SLC7A5: variants seen among roughly 807,000 people sequenced by gnomAD.
The protein encoded by SLC7A5 is large neutral amino acids transporter small subunit 1.
SLC7A5 carries 23 observed loss-of-function variants against 50.2 expected under a neutral mutation model. The observed-to-expected ratio is 0.46, with a 90% CI of 0.33 to 0.65. SLC7A5 has a LOEUF of 0.65. Among genes scored for constraint, SLC7A5 ranks in the 30% least tolerant of loss-of-function variants. The pLI, the probability that SLC7A5 is intolerant of heterozygous loss-of-function variation, is 0.02. For missense variants in SLC7A5, 578 were observed against 684.4 expected, an observed-to-expected ratio of 0.84 and a Z score of 1.73; for synonymous variants, 393 against 330.6, an observed-to-expected ratio of 1.19 and a Z score of -2.05.
chr16:87,850,256 C>A (rs1304306624), intron 2 of SLC7A5, among the ~76,000 whole-genome samples: 1 of 152,190 alleles, frequency 6.6e-6, no homozygotes, highest in East Asian at 1.9e-4. Context: ...ACGGTGCACA[C>A]AGGAGAGCCT....
chr16:87,863,182 C>T (rs2055420419), intron 1 of SLC7A5, among the ~76,000 whole-genome samples: 1 of 152,338 alleles, frequency 6.6e-6, no homozygotes, highest in Middle Eastern at 3.4e-3. Context: ...GGTATCTTCT[C>T]CACGATGCAG....
rs151257488 is a variant in SLC7A5 at position 87,851,781 on chromosome 16, C to T, written c.607G>A (p.Ala203Thr). 1.9e-3 allele frequency: 3,004 copies of T among 1,613,152 alleles called. 9 individuals are homozygous for T. The highest frequency in any genetic ancestry group is 2.2e-3 in the Non-Finnish European group (2,644 of 1,179,962). ...ATRVQDAFAAAKLLALALIIL... is the reference protein window; with the variant it reads ...ATRVQDAFAATKLLALALIIL... ...ATCAGGGCCAGGGCCAGGAGCTTGG[C>T]GGCGGCAAAGGCATCCTGGACCCGG... Residue 203 changes from alanine to threonine, a missense_variant, in exon 2 of 10, where the codon GCC (alanine) becomes ACC (threonine). Ala to Thr is a moderately conservative substitution (Grantham distance 58). This residue lies in a region of SLC7A5 where 465 missense variants were observed against 594.6 expected (regional missense o/e 0.78). Coordinates refer to ENST00000261622, the MANE Select transcript of SLC7A5 (RefSeq NM_003486.7).
chr16:87,834,690 G>A (rs745581172), intron 8 of SLC7A5, 99 bp from the exon 9 acceptor site: 16 of 1,259,362 alleles, frequency 1.3e-5, no homozygotes, highest in South Asian at 6.4e-5. Context: ...CCACACCCAC[G>A]GCTGCTGACT....
chr16:87,836,376 A>C (rs986568341), intron 8 of SLC7A5, 122 bp downstream of exon 8: 19 of 1,133,044 alleles, frequency 1.7e-5, no homozygotes, highest in Non-Finnish European at 2.2e-5. Flanking sequence ...ACCCAGGTGC[A>C]TGCAGGCAGG....
At chr16:87,838,668 T>C (rs1468517543) in intron 6 of SLC7A5, 46 bp downstream of exon 6, 2 of 1,408,748 alleles carry the variant, frequency 1.4e-6, no homozygotes, top group South Asian at 1.1e-5. Flanking sequence ...AACCTGGCCA[T>C]GAGGCCTGGG....
At chr16:87,849,331 A>G (rs982487015) in intron 2 of SLC7A5, among the ~76,000 whole-genome samples, 3 of 152,220 alleles carry the variant, frequency 2.0e-5, no homozygotes, top group Admixed American at 2.0e-4. Flanking sequence ...AATCTGTTGA[A>G]GCCAAACAGG....
rs895264340 is a variant in SLC7A5, at chr16:87,862,230, G to A, written c.538+6655C>T. 6.6e-6 allele frequency among the ~76,000 whole-genome samples: 1 copy of A among 152,128 alleles called. No homozygotes were observed. The highest frequency in any genetic ancestry group is 1.5e-5 in the Non-Finnish European group (1 of 68,000). ...GGATACCCCAGCGGTTGGGGGGGTG[G>A]TGCTGGACACCCAGGGGGCAGATAG... On this transcript the variant is annotated intron_variant, in intron 1 of 9. Coordinates refer to ENST00000261622, the MANE Select transcript of SLC7A5 (RefSeq NM_003486.7). This position sits in a 1 kb window ranked among gnomAD's most constrained non-coding sequence, Gnocchi z 5.3.
chr16:87,860,723 C>T lies in SLC7A5; in HGVS notation c.538+8162G>A, dbSNP rs930263552. ...GTCTCAGTAGTGACAGATGCTGGCC[C>T]ACCCCGAGGTCAGGATGACTCAGCA... On this transcript the variant is annotated intron_variant, in intron 1 of 9. Coordinates refer to ENST00000261622, the MANE Select transcript of SLC7A5 (RefSeq NM_003486.7). This position sits in a 1 kb window ranked among gnomAD's most constrained non-coding sequence, Gnocchi z 4.8. Among the ~76,000 whole-genome samples, 11 of 152,232 alleles carry T rather than the reference C, an allele frequency of 7.2e-5. No individual in the cohort carries two copies. Among genetic ancestry groups the T allele is most frequent in the African/African-American group, 2.7e-4 (11 of 41,466 alleles).
intron 7 of SLC7A5, 30 bp from the exon 8 acceptor site, chr16:87,836,677 TG>T: frequency 6.2e-7 from 1 of 1,608,230 alleles, no homozygotes. Flanking sequence ...GGCTGAGCCC[TG>T]GGGCCCACGA....
At chr16:87,858,534 G>A (rs1458229111) in intron 1 of SLC7A5, among the ~76,000 whole-genome samples, 2 of 152,196 alleles carry the variant, frequency 1.3e-5, no homozygotes, top group African/African-American at 4.8e-5. Flanking sequence ...ACTTGTGGCA[G>A]CCAATCCAAC....
rs1321456047 is a variant in SLC7A5, at chr16:87,833,352, A to T, written c.1469-327T>A. 6.6e-6 allele frequency among the ~76,000 whole-genome samples: 1 copy of T among 152,214 alleles called. No homozygotes were observed. Among genetic ancestry groups the T allele is most frequent in the Non-Finnish European group, 1.5e-5 (1 of 68,032 alleles). ...CAGCAAAGTGCAACGGGGGGATGAC[A>T]GGCCTTCCTGCAGGTCCACACCCGG... On this transcript the variant is annotated intron_variant, in intron 9 of 9. Transcript: ENST00000261622. The surrounding 1 kb of genome is among the most constrained non-coding windows in gnomAD (Gnocchi z 6.0).
intron 2 of SLC7A5, among the ~76,000 whole-genome samples, chr16:87,849,966 G>C (rs2055199436): frequency 6.6e-6 from 1 of 152,182 alleles, no homozygotes; most frequent in Admixed American, 6.5e-5. Context: ...TGCAGACTTT[G>C]TACAGATTGA....
chr16:87,837,755 A>T (rs1172534179), intron 7 of SLC7A5, 90 bp downstream of exon 7: 1 of 1,070,142 alleles, frequency 9.3e-7, no homozygotes, highest in East Asian at 2.6e-5. Flanking sequence ...TCCACACCCC[A>T]GACAGAGCTG....
intron 1 of SLC7A5, among the ~76,000 whole-genome samples, chr16:87,854,335 G>C (rs1352268113): frequency 6.6e-6 from 1 of 152,148 alleles, no homozygotes. Context: ...ACTGACTTTG[G>C]GTGATGAGTA....
chr16:87,844,896 G>A (rs554686851), intron 2 of SLC7A5, among the ~76,000 whole-genome samples: 9 of 152,378 alleles, frequency 5.9e-5, no homozygotes, highest in Admixed American at 5.2e-4. Flanking sequence ...CTGCAAATGC[G>A]GTCTCCGCAG....
rs1243654978 is a variant in SLC7A5 at position 87,834,332 on chromosome 16, G to A, written c.1468+82C>T. 9 of 1,401,530 alleles carry A rather than the reference G, an allele frequency of 6.4e-6. No individual in the cohort carries two copies. In the South Asian group the frequency reaches 9.9e-5, roughly 15 times the overall value. The allele number at this position is 1,401,530 out of a possible 1,614,324, so 86.8% of individuals were successfully genotyped here. Reference sequence around the variant, plus strand: ...ACCCAACACGCTTCGCCCCATGTGGGTGGAGACGGCCGACGCCTCTCAACT... The same window carrying A: ...ACCCAACACGCTTCGCCCCATGTGGATGGAGACGGCCGACGCCTCTCAACT... On this transcript the variant is annotated intron_variant, in intron 9 of 9. Transcript: ENST00000261622.
chr16:87,851,911 C>T, intron 1 of SLC7A5, 62 bp from the exon 2 acceptor site: 1 of 1,607,622 alleles, frequency 6.2e-7, no homozygotes, highest in African/African-American at 1.3e-5. Flanking sequence ...CAGGGGTAGG[C>T]TGGGAGGTGA....
intron 7 of SLC7A5, chr16:87,837,630 G>C (rs2055024197): frequency 1.8e-6 from 1 of 559,928 alleles, no homozygotes; most frequent in Non-Finnish European, 3.2e-6. Context: ...CCGATGGTCT[G>C]AATCGTTTGT....
chr16:87,839,110 C>T (rs2055050530), intron 5 of SLC7A5, among the ~76,000 whole-genome samples: 1 of 152,228 alleles, frequency 6.6e-6, no homozygotes, highest in African/African-American at 2.4e-5. Flanking sequence ...TTGCCTTCCC[C>T]CGTGGGGTCC....
Sources: allele counts gnomAD v4.1 joint callset (sites outside exome capture counted in the v4.1 genomes callset), GRCh38; gene constraint gnomAD v4.1.1; regional missense constraint gnomAD v4.1.1; non-coding constraint Gnocchi (gnomAD v3.1); transcripts MANE v1.5; gene names NCBI Gene and HGNC (gene_info 2026-07-23, HGNC 2026-07-21).